The following PIK3C2A variants were observed in gnomAD, a reference collection of about 807,000 sequenced individuals.
The protein encoded by PIK3C2A is phosphatidylinositol-4-phosphate 3-kinase catalytic subunit type 2 alpha.
Under a neutral mutation model 204.5 loss-of-function variants are expected in PIK3C2A, and 97 were observed. The observed-to-expected ratio is 0.47, with a 90% CI of 0.40 to 0.56. PIK3C2A has a LOEUF of 0.56. Ranked by LOEUF, PIK3C2A falls within the 20% of genes least tolerant of loss-of-function variation. The pLI is 0.00. For missense variants in PIK3C2A, 1,735 were observed against 1,969.2 expected (o/e 0.88, Z 2.25); for synonymous variants, 653 against 664.4 (o/e 0.98, Z 0.26).
At chr11:17,195,068 C>T (rs1385675635) in intron 1 of PIK3C2A, among the ~76,000 whole-genome samples, 1 of 152,102 alleles carries the variant, frequency 6.6e-6, no homozygotes, top group Non-Finnish European at 1.5e-5. Flanking sequence ...TCATTCGAAT[C>T]TAACTTAATT....
At chr11:17,116,594 C>CTT (rs768364818) in intron 19 of PIK3C2A, among the ~76,000 whole-genome samples, 2 of 144,726 alleles carry the variant, frequency 1.4e-5, no homozygotes, top group Non-Finnish European at 3.1e-5. Flanking sequence ...TAGCAGTATT[C>CTT]TTTTTTTTTT....
intron 11 of PIK3C2A, among the ~76,000 whole-genome samples, chr11:17,133,549 A>C (rs2137385738): frequency 1.3e-5 from 2 of 152,312 alleles, no homozygotes; most frequent in South Asian, 4.1e-4. Flanking sequence ...TCTTCAGTAG[A>C]CTTTTTTATA....
chr11:17,154,890 T>C (rs1850531726), intron 3 of PIK3C2A, among the ~76,000 whole-genome samples: 1 of 152,114 alleles, frequency 6.6e-6, no homozygotes, highest in South Asian at 2.1e-4. Context: ...TCAAGATGGG[T>C]TTCTAGCACT....
intron 23 of PIK3C2A, among the ~76,000 whole-genome samples, chr11:17,103,745 T>G (rs574279921): frequency 6.6e-6 from 1 of 152,312 alleles, no homozygotes; most frequent in Admixed American, 6.5e-5. Context: ...ATCACATAAT[T>G]GTTAAGTTGC....
In PIK3C2A at chr11:17,150,549, C is replaced by T. The variant is rs1850393130; in HGVS notation, c.1276G>A (p.Val426Ile). The change falls in exon 4 of 33, where the codon GTC becomes ATC. Residue 426 changes from valine to isoleucine, a missense_variant. By Grantham distance (29) the Val-to-Ile change is conservative. This residue lies in a region of PIK3C2A where 536 missense variants were observed against 546.7 expected (regional missense o/e 0.98). Coordinates refer to ENST00000691414, the MANE Select transcript of PIK3C2A (RefSeq NM_002645.4). Reference protein sequence around the residue: ...NICGENASVKVSIDIEGFQLP... With the variant: ...NICGENASVKISIDIEGFQLP... ...TGAAATCCTTCAATGTCAATGGAGA[C>T]CTTCACACTAGCATTTTCTCCGCAT... is the stretch of plus-strand genomic sequence containing the variant. 1.9e-6 allele frequency: 3 copies of T among 1,610,910 alleles called. No individual in the cohort carries two copies. Among genetic ancestry groups the T allele is most frequent in the Non-Finnish European group, 2.5e-6 (3 of 1,178,414 alleles).
chr11:17,114,121 G>A (rs1261892552), intron 20 of PIK3C2A, among the ~76,000 whole-genome samples: 1 of 99,360 alleles, frequency 1.0e-5, no homozygotes, highest in East Asian at 2.6e-4. Context: ...ATAAAAAGGT[G>A]AGACCAATTT....
intron 1 of PIK3C2A, among the ~76,000 whole-genome samples, chr11:17,170,762 T>C (rs1851129014): frequency 6.6e-6 from 1 of 152,072 alleles, no homozygotes; most frequent in Non-Finnish European, 1.5e-5. Context: ...ATCAATATGA[T>C]AAAAGGGTTA....
intron 19 of PIK3C2A, 94 bp from the exon 20 acceptor site, chr11:17,114,559 CA>C (rs1241189399): frequency 9.5e-6 from 6 of 630,212 alleles, no homozygotes; most frequent in Non-Finnish European, 1.7e-5. Flanking sequence ...ATAAAATGCC[CA>C]GTTGTCAAAC....
chr11:17,133,116 C>T (rs1849752916), intron 11 of PIK3C2A, among the ~76,000 whole-genome samples: 1 of 152,154 alleles, frequency 6.6e-6, no homozygotes, highest in Non-Finnish European at 1.5e-5. Context: ...GGTTATTTTT[C>T]TCAACTTTAT....
intron 2 of PIK3C2A, among the ~76,000 whole-genome samples, chr11:17,165,635 C>G (rs139046299): frequency 1.3e-5 from 2 of 151,890 alleles, no homozygotes; most frequent in African/African-American, 4.8e-5. Flanking sequence ...ATTAGCCGGT[C>G]GTGGTGGTGC....
chr11:17,144,045 A>G (rs1850153634), intron 8 of PIK3C2A, among the ~76,000 whole-genome samples: 1 of 152,184 alleles, frequency 6.6e-6, no homozygotes, highest in African/African-American at 2.4e-5. Flanking sequence ...CTGACCTAGA[A>G]GATAAAGTAA....
chr11:17,160,816 C>T (rs563796101), intron 2 of PIK3C2A, among the ~76,000 whole-genome samples: 9 of 152,066 alleles, frequency 5.9e-5, no homozygotes, highest in Middle Eastern at 3.4e-3. Flanking sequence ...AGAGCAAGAC[C>T]CTGCCTTAAC....
At chr11:17,194,304 A>G in intron 1 of PIK3C2A, 1 of 303,874 alleles carries the variant, frequency 3.3e-6, no homozygotes, top group Non-Finnish European at 6.3e-6. Flanking sequence ...AAGGCTTCAG[A>G]GTAGGTATCT....
intron 6 of PIK3C2A, among the ~76,000 whole-genome samples, chr11:17,147,131 T>C (rs1343250591): frequency 6.6e-6 from 1 of 152,186 alleles, no homozygotes; most frequent in Non-Finnish European, 1.5e-5. Context: ...TTGTGATGAA[T>C]AATTTATTTT....
intron 11 of PIK3C2A, among the ~76,000 whole-genome samples, chr11:17,134,580 C>T (rs1005321968): frequency 6.6e-6 from 1 of 152,160 alleles, no homozygotes; most frequent in South Asian, 2.1e-4. Context: ...AGGCTGGTCT[C>T]GAACTCCTGA....
chr11:17,192,298 C>T (rs548200871), intron 1 of PIK3C2A, among the ~76,000 whole-genome samples: 1 of 152,248 alleles, frequency 6.6e-6, no homozygotes, highest in South Asian at 2.1e-4. Context: ...GTGGGTCAAT[C>T]TAAATCAGAA....
chr11:17,196,322 T>G (rs1019890229), intron 1 of PIK3C2A, among the ~76,000 whole-genome samples: 1 of 152,204 alleles, frequency 6.6e-6, no homozygotes, highest in Non-Finnish European at 1.5e-5. Flanking sequence ...TGATCTGATT[T>G]ACATTGCTCA....
At position 17,091,651 on chromosome 11, in the gene PIK3C2A, C is replaced by T; in HGVS notation, c.4648G>A (p.Gly1550Ser). ...TGGCCTGGAGTAGGACTGAAGGAACCTGCATCTGAAAATACAAATATTTTC... is the reference window on the plus strand; with the variant it reads ...TGGCCTGGAGTAGGACTGAAGGAACTTGCATCTGAAAATACAAATATTTTC... ...AEGIARSADA[G>S]SFSPTPGQIG... The change falls in exon 31 of 33, where the codon GGT (glycine) becomes AGT (serine). Residue 1550 changes from glycine (G) to serine (S), a missense_variant. Gly to Ser is a moderately conservative substitution (Grantham distance 56). Transcript: ENST00000691414. The T allele has an allele frequency of 6.4e-7, 1 of 1,574,554 alleles. No homozygotes were observed. Among genetic ancestry groups the T allele is most frequent in the East Asian group, 2.2e-5 (1 of 44,674 alleles).
chr11:17,148,597 A>C, intron 5 of PIK3C2A, 70 bp downstream of exon 5: 1 of 1,389,162 alleles, frequency 7.2e-7, no homozygotes, highest in Non-Finnish European at 1.0e-6. Context: ...ATTTAACTTG[A>C]AATTTTTCTA....
Sources: gnomAD v4.1 joint callset for allele counts (sites outside exome capture counted in the v4.1 genomes callset) on GRCh38, gnomAD v4.1.1 for gene constraint, gnomAD v4.1.1 regional missense constraint, MANE v1.5 for transcripts, NCBI Gene and HGNC (gene_info 2026-07-23, HGNC 2026-07-21) for gene names.